The following MAST4 variants were observed in gnomAD, a reference collection of about 807,000 sequenced individuals.
The protein encoded by MAST4 is microtubule associated serine/threonine kinase family member 4.
Under a neutral mutation model 162.7 loss-of-function variants are expected in MAST4, and 89 were observed. The ratio of observed to expected loss-of-function variants is 0.55; its 90% CI spans 0.46 to 0.65. MAST4 has a LOEUF of 0.65. Ranked by LOEUF, MAST4 falls within the 30% of genes least tolerant of loss-of-function variation. The pLI is 0.00. For synonymous variants in MAST4, 1,479 were observed against 1,361.1 expected (o/e 1.09, Z -1.91); for missense variants, 3,153 against 3,374.0 (o/e 0.93, Z 1.62).
intron 4 of MAST4, among the ~76,000 whole-genome samples, chr5:67,045,703 T>A (rs1757285825): frequency 6.6e-6 from 1 of 152,208 alleles, no homozygotes; most frequent in African/African-American, 2.4e-5. Context: ...TGAGCATAGA[T>A]TCAAGTTGCT....
intron 3 of MAST4, among the ~76,000 whole-genome samples, chr5:66,879,743 G>A (rs1181587216): frequency 6.6e-6 from 1 of 152,188 alleles, no homozygotes; most frequent in Non-Finnish European, 1.5e-5. Context: ...AAACTCCTGG[G>A]TTGAATCAAT....
intron 4 of MAST4, among the ~76,000 whole-genome samples, chr5:66,988,184 G>A (rs1474138241): frequency 6.6e-6 from 1 of 152,102 alleles, no homozygotes; most frequent in Non-Finnish European, 1.5e-5. Context: ...TATTTATTCT[G>A]GGGAAAGAAA....
intron 2 of MAST4, among the ~76,000 whole-genome samples, chr5:66,763,141 T>C (rs1286273637): frequency 6.6e-6 from 1 of 152,162 alleles, no homozygotes; most frequent in Non-Finnish European, 1.5e-5. Context: ...AGGCGAGGAT[T>C]TGAACCCAGG....
At chr5:66,751,859 G>T (rs1297700574) in intron 1 of MAST4, among the ~76,000 whole-genome samples, 1 of 146,782 alleles carries the variant, frequency 6.8e-6, no homozygotes, top group Non-Finnish European at 1.5e-5. Context: ...CACCAAAGTT[G>T]AAATGAAGGA....
chr5:67,024,342 C>CAA (rs1282797933), intron 4 of MAST4, among the ~76,000 whole-genome samples: 5 of 142,386 alleles, frequency 3.5e-5, no homozygotes, highest in African/African-American at 1.5e-4. Context: ...TATATACACA[C>CAA]ACACACACAC....
At chr5:67,131,772 C>A (rs749828261) in intron 15 of MAST4, 41 bp from the exon 16 acceptor site, 1 of 1,603,378 alleles carries the variant, frequency 6.2e-7, no homozygotes, top group South Asian at 1.1e-5. Flanking sequence ...CTACATTAAG[C>A]CTTCATCCTA....
chr5:66,706,441 G>T (rs1049571241), intron 1 of MAST4, among the ~76,000 whole-genome samples: 1 of 151,782 alleles, frequency 6.6e-6, no homozygotes, highest in East Asian at 1.9e-4. Flanking sequence ...AGAAGAAGAG[G>T]CAGTATTTGA....
chr5:67,014,355 T>C (rs748438159), intron 4 of MAST4, among the ~76,000 whole-genome samples: 5 of 152,198 alleles, frequency 3.3e-5, no homozygotes, highest in Non-Finnish European at 7.3e-5. Flanking sequence ...TTCTCATCTT[T>C]GATGTCAAAT....
chr5:67,133,602 G>A lies in MAST4; in HGVS notation c.2182G>A (p.Glu728Lys). Residue 728 changes from glutamate to lysine, a missense_variant, in exon 17 of 29, where the codon GAG becomes AAG. Around this residue, in one of 7 missense-constraint regions of MAST4, gnomAD observed 131 missense variants for 253.8 expected, o/e 0.52. Transcript: ENST00000403625. ...AATGAGCATGACTACCAACCTTTAC[G>A]AGGGTCATATTGAGAAGGATGCTAG... ...GLMSMTTNLYEGHIEKDAREF... is the reference protein window; with the variant it reads ...GLMSMTTNLYKGHIEKDAREF... 1 of 1,613,366 alleles carries A rather than the reference G, an allele frequency of 6.2e-7. No homozygotes were observed. The highest frequency in any genetic ancestry group is 8.5e-7 in the Non-Finnish European group (1 of 1,179,440).
chr5:66,986,188 C>T (rs545287886), intron 4 of MAST4, among the ~76,000 whole-genome samples: 1 of 152,172 alleles, frequency 6.6e-6, no homozygotes, highest in South Asian at 2.1e-4. Context: ...GCGAGGCATC[C>T]CTTGCTGGGG....
At chr5:66,635,921 A>C (rs1745077962) in intron 1 of MAST4, among the ~76,000 whole-genome samples, 1 of 147,508 alleles carries the variant, frequency 6.8e-6, no homozygotes, top group African/African-American at 2.5e-5. Flanking sequence ...TCCAAGGTTA[A>C]AAATCACTGC....
In MAST4 at chr5:67,023,674, T is replaced by C. The variant is rs530185575; in HGVS notation, c.675-30730T>C. On this transcript the variant is annotated intron_variant, in intron 4 of 28. Coordinates refer to ENST00000403625, the MANE Select transcript of MAST4 (RefSeq NM_001164664.2). ...TCCTAACCCAATGGCTGTAACTCTT[T>C]TGAGATGTGTATTTTTATTCTGAGT... Among the ~76,000 whole-genome samples the C allele has an allele frequency of 4.7e-4, 72 of 152,222 alleles. No homozygotes were observed. In the South Asian group the frequency reaches 0.015, roughly 31 times the overall value.
At position 67,162,710 on chromosome 5, in the gene MAST4, C is replaced by T. The variant is rs1237883281; in HGVS notation, c.3889C>T (p.Leu1297Phe). The change falls in exon 28 of 29, where the codon CTC (leucine) becomes TTC (phenylalanine). Residue 1297 changes from leucine to phenylalanine, a missense_variant. Leu to Phe is a conservative substitution (Grantham distance 22, BLOSUM62 0). This residue lies in a region of MAST4 where 619 missense variants were observed against 744.2 expected (regional missense o/e 0.83). Transcript: ENST00000403625. Reference sequence around the variant, plus strand: ...CAGATCCCTGTCATCGGGTGAGAGCCTCCCAGGTTCCCCCACTCATAGCTT... The same window carrying T: ...CAGATCCCTGTCATCGGGTGAGAGCTTCCCAGGTTCCCCCACTCATAGCTT... Reference protein sequence around the residue: ...LNRSLSSGESLPGSPTHSLSP... With the variant: ...LNRSLSSGESFPGSPTHSLSP... 18 of 1,613,792 alleles carry T rather than the reference C, an allele frequency of 1.1e-5. No homozygotes were observed. Among genetic ancestry groups the T allele is most frequent in the Non-Finnish European group, 1.5e-5 (18 of 1,179,892 alleles).
At chr5:66,885,547 A>G (rs1387015784) in intron 3 of MAST4, among the ~76,000 whole-genome samples, 1 of 152,200 alleles carries the variant, frequency 6.6e-6, no homozygotes, top group Non-Finnish European at 1.5e-5. Flanking sequence ...GGTGGATAAA[A>G]ATGGAACCCA....
chr5:66,797,328 G>T lies in MAST4; in HGVS notation c.642+8534G>T, dbSNP rs57945900. 5.8e-3 allele frequency among the ~76,000 whole-genome samples: 890 copies of T among 152,216 alleles called. 9 individuals are homozygous for T. The highest frequency in any genetic ancestry group is 0.02 in the African/African-American group (850 of 41,534). On this transcript the variant is annotated intron_variant, in intron 3 of 28. Coordinates refer to ENST00000403625, the MANE Select transcript of MAST4 (RefSeq NM_001164664.2). ...TTCAGAGACTTCTTAGGAAATCCCT[G>T]GTTATTGTGGCTCTGGGAAAACATG...
At chr5:67,050,365 C>T (rs1233045286) in intron 4 of MAST4, among the ~76,000 whole-genome samples, 1 of 152,198 alleles carries the variant, frequency 6.6e-6, no homozygotes, top group African/African-American at 2.4e-5. Context: ...TCCAAAGCAT[C>T]TCCACCCAAG....
chr5:66,889,328 C>G (rs188500459), intron 3 of MAST4, among the ~76,000 whole-genome samples: 3 of 152,206 alleles, frequency 2.0e-5, no homozygotes, highest in Admixed American at 1.3e-4. Flanking sequence ...GCATATTTAT[C>G]AAGAGCCTTC....
At chr5:66,809,240 T>C (rs1465606264) in intron 3 of MAST4, among the ~76,000 whole-genome samples, 1 of 152,256 alleles carries the variant, frequency 6.6e-6, no homozygotes, top group Non-Finnish European at 1.5e-5. Flanking sequence ...GGGAGAAAAC[T>C]TAAGTGGAGC....
intron 3 of MAST4, among the ~76,000 whole-genome samples, chr5:66,861,145 T>C (rs1291734521): frequency 6.6e-6 from 1 of 152,224 alleles, no homozygotes; most frequent in Non-Finnish European, 1.5e-5. Context: ...AGATGGGGGA[T>C]CCGAGGTATC....
Sources: gnomAD v4.1 joint callset for allele counts (sites outside exome capture counted in the v4.1 genomes callset) on GRCh38, gnomAD v4.1.1 for gene constraint, gnomAD v4.1.1 regional missense constraint, MANE v1.5 for transcripts, NCBI Gene and HGNC (gene_info 2026-07-23, HGNC 2026-07-21) for gene names.